Variants in ADAM15 observed in about 807,000 individuals in gnomAD.
ADAM15 encodes ADAM metallopeptidase domain 15.
ADAM15 carries 77 observed loss-of-function variants against 113.8 expected under a neutral mutation model. The observed-to-expected ratio is 0.68, with a 90% CI of 0.56 to 0.82. The LOEUF (loss-of-function observed/expected upper bound fraction) is 0.82, where lower values mean the gene tolerates loss of function less well. Ranked by LOEUF, ADAM15 falls within the 40% of genes least tolerant of loss-of-function variation. ADAM15 has a pLI of 0.00. For synonymous variants in ADAM15, 388 were observed against 454.1 expected, an observed-to-expected ratio of 0.85 and a Z score of 1.85; for missense variants, 963 against 1,120.1, an observed-to-expected ratio of 0.86 and a Z score of 2.00.
chr1:155,061,307 G>A (rs1359585793), intron 19 of ADAM15, 108 bp from the exon 20 acceptor site: 2 of 754,550 alleles, frequency 2.7e-6, no homozygotes, highest in Admixed American at 2.4e-5. Flanking sequence ...AGCACCCACT[G>A]CCCTGGGCCC....
In ADAM15 at chr1:155,058,222, G is replaced by A. The variant is rs201084264; in HGVS notation, c.1722-24G>A. 19 of 1,613,868 alleles carry A rather than the reference G, an allele frequency of 1.2e-5. No homozygotes were observed. The highest frequency in any genetic ancestry group is 1.5e-5 in the Non-Finnish European group (18 of 1,179,946). ...CCTTGGCCCTGCTCCTACTAACTCT[G>A]TGTGCCCTTCCCCCTCCCCACAGAG... On this transcript the variant is annotated intron_variant, in intron 14 of 22. Coordinates refer to ENST00000356955, the MANE Select transcript of ADAM15 (RefSeq NM_207197.3). This position sits in a 1 kb window ranked among gnomAD's most constrained non-coding sequence, Gnocchi z 4.3.
intron 18 of ADAM15, 79 bp from the exon 19 acceptor site, chr1:155,060,684 C>A: frequency 3.4e-6 from 5 of 1,474,812 alleles, no homozygotes; most frequent in African/African-American, 1.4e-5. Context: ...AAAGGGTTAA[C>A]CCCACTCAGG....
chr1:155,056,487 TCTC>T lies in ADAM15; in HGVS notation c.999+24_999+26del, dbSNP rs756949634. ...GTGAACATGGTGAGTTATTTCCAGG[TCTC>T]CTCCTCATTCCCAATTCAGTTCCTC... is the stretch of plus-strand genomic sequence containing the variant. On this transcript the variant is annotated intron_variant, in intron 10 of 22. Coordinates refer to ENST00000356955, the MANE Select transcript of ADAM15 (RefSeq NM_207197.3). The surrounding 1 kb of genome is among the most constrained non-coding windows in gnomAD (Gnocchi z 4.0). The T allele has an allele frequency of 2.4e-5, 38 of 1,609,202 alleles. No individual in the cohort carries two copies. Among genetic ancestry groups the T allele is most frequent in the Non-Finnish European group, 3.1e-5 (37 of 1,175,924 alleles).
Position 155,057,450 on chromosome 1 carries a change from G to A in ADAM15, c.1323+88G>A. On this transcript the variant is annotated intron_variant, in intron 12 of 22. Transcript: ENST00000356955. This position sits in a 1 kb window ranked among gnomAD's most constrained non-coding sequence, Gnocchi z 5.0. ...CCTATCCCAGCCTCCTGAGCTCTTG[G>A]GTTCTGAAGGGACTTTCCACCCCTC... The A allele has an allele frequency of 6.4e-7, 1 of 1,560,222 alleles. No homozygotes were observed. Among genetic ancestry groups the A allele is most frequent in the Non-Finnish European group, 8.7e-7 (1 of 1,143,842 alleles).
chr1:155,061,330 C>G (rs1292452711), intron 19 of ADAM15, 85 bp from the exon 20 acceptor site: 2 of 1,008,734 alleles, frequency 2.0e-6, no homozygotes, highest in Non-Finnish European at 1.5e-6. Context: ...GCTGGCCCCC[C>G]CTGGGCACTG....
At position 155,053,955 on chromosome 1, in the gene ADAM15, T is replaced by C. The variant is rs1275592251; in HGVS notation, c.309T>C (p.Asp103=). The C allele has an allele frequency of 2.5e-6, 4 of 1,614,192 alleles. No individual in the cohort carries two copies. Among genetic ancestry groups the C allele is most frequent in the Non-Finnish European group, 3.4e-6 (4 of 1,180,022 alleles). ...CAACCCTGGTGTGGTACCAGCCCGA[T>C]GGCACTCGGGTGGTCAGTGAGGGAC... is the stretch of plus-strand genomic sequence containing the variant. ...GRPTLVWYQP[D]GTRVVSEGHT... Residue 103 remains aspartate, a synonymous_variant, in exon 4 of 23, where the codon GAT becomes GAC. Coordinates refer to ENST00000356955, the MANE Select transcript of ADAM15 (RefSeq NM_207197.3).
Position 155,062,291 on chromosome 1 carries a change from C to T in ADAM15, c.2471C>T (p.Ala824Val). 1.4e-6 allele frequency: 2 copies of T among 1,474,978 alleles called. No individual in the cohort carries two copies. The highest frequency in any genetic ancestry group is 1.8e-6 in the Non-Finnish European group (2 of 1,109,676). The allele number at this position is 1,474,978 out of a possible 1,614,324, so 91.4% of individuals were successfully genotyped here. Residue 824 changes from alanine to valine, a missense_variant, in exon 22 of 23, where the codon GCC becomes GTC. Physicochemically the swap from Ala to Val is moderately conservative, Grantham distance 64. Coordinates refer to ENST00000356955, the MANE Select transcript of ADAM15 (RefSeq NM_207197.3). The surrounding 1 kb of genome is among the most constrained non-coding windows in gnomAD (Gnocchi z 7.0). ...CCACCCCCAAGGAAGCCACTGCCTG[C>T]CGACCCCCAGGGCCGGTGCCCATCG... is the stretch of plus-strand genomic sequence containing the variant. ...KPPPPRKPLP[A>V]DPQGRCPSGD...
In ADAM15 at chr1:155,055,968, C is replaced by T. The variant is rs755131579; in HGVS notation, c.712C>T (p.Arg238Cys). 19 of 1,614,150 alleles carry T rather than the reference C, an allele frequency of 1.2e-5. No individual in the cohort carries two copies. Among genetic ancestry groups the T allele is most frequent in the East Asian group, 1.1e-4 (5 of 44,890 alleles). The change falls in exon 8 of 23, where the codon CGC (arginine) becomes TGC (cysteine). Residue 238 changes from arginine to cysteine, a missense_variant. Arg to Cys is a radical substitution (Grantham distance 180, BLOSUM62 -3). Coordinates refer to ENST00000356955, the MANE Select transcript of ADAM15 (RefSeq NM_207197.3). Reference protein sequence around the residue: ...KYRDFQHLLNRTLEVALLLDT... With the variant: ...KYRDFQHLLNCTLEVALLLDT... ...CCGGGACTTCCAGCACCTGCTAAAC[C>T]GCACACTGGAAGTGGCCCTCTTGCT... is the stretch of plus-strand genomic sequence containing the variant.
Position 155,060,844 on chromosome 1 carries a change from A to C in ADAM15, c.2277+12A>C. On this transcript the variant is annotated intron_variant, in intron 19 of 22. Coordinates refer to ENST00000356955, the MANE Select transcript of ADAM15 (RefSeq NM_207197.3). ...CACGAGGCACTAAGGTGAGTCCTGG[A>C]TGCCAGAGGAAGGGGACTCCACCTT... is the stretch of plus-strand genomic sequence containing the variant. 6.2e-7 allele frequency: 1 copy of C among 1,606,706 alleles called. No individual in the cohort carries two copies. The highest frequency in any genetic ancestry group is 2.2e-5 in the East Asian group (1 of 44,830).
In ADAM15 at chr1:155,057,033, G is replaced by C; in HGVS notation, c.1080G>C (p.Leu360Phe). Residue 360 changes from leucine to phenylalanine, a missense_variant, in exon 11 of 23, where the codon TTG becomes TTC. Coordinates refer to ENST00000356955, the MANE Select transcript of ADAM15 (RefSeq NM_207197.3). The surrounding 1 kb of genome is among the most constrained non-coding windows in gnomAD (Gnocchi z 5.0). The part of the protein sequence containing the change: ...LGHSLGLDHD[L>F]PGNSCPCPGP... ...ACAGCCTGGGCCTGGACCATGATTT[G>C]CCTGGGAATAGCTGCCCCTGTCCAG... The C allele has an allele frequency of 6.2e-7, 1 of 1,607,602 alleles. No homozygotes were observed.
chr1:155,051,316 C>T lies in ADAM15; in HGVS notation c.-71C>T, dbSNP rs1014059937. 8.1e-7 allele frequency: 1 copy of T among 1,230,360 alleles called. No homozygotes were observed. Among genetic ancestry groups the T allele is most frequent in the Non-Finnish European group, 1.0e-6 (1 of 957,916 alleles). The allele number at this position is 1,230,360 out of a possible 1,614,324, so 76.2% of individuals were successfully genotyped here. ...GCGCTGCTGGGTTCTCCGAGGCGAC[C>T]TGGCCGCCGGCCGCTCCTCCGCGCG... On this transcript the variant is annotated 5_prime_UTR_variant, in exon 1 of 23. Transcript: ENST00000356955.
rs772241715 is a variant in ADAM15 at position 155,060,790 on chromosome 1, G to T, written c.2235G>T (p.Arg745=). ...CAGCCCAATCTGGTCCCTCTGAACG[G>T]CCAGGACCTCCGCAGAGGGCCCTGC... ...YRAAQSGPSE[R]PGPPQRALLA... Residue 745 remains arginine (R), a synonymous_variant, in exon 19 of 23, where the codon CGG becomes CGT. Coordinates refer to ENST00000356955, the MANE Select transcript of ADAM15 (RefSeq NM_207197.3). The T allele has an allele frequency of 1.2e-6, 2 of 1,613,266 alleles. No homozygotes were observed. The highest frequency in any genetic ancestry group is 2.2e-5 in the East Asian group (1 of 44,898).
chr1:155,055,858 C>T lies in ADAM15; in HGVS notation c.675+6C>T, dbSNP rs1395555634. On this transcript the variant is annotated splice_donor_region_variant and intron_variant, in intron 7 of 22. Coordinates refer to ENST00000356955, the MANE Select transcript of ADAM15 (RefSeq NM_207197.3). ...TTGTGGCTGATCACTCGGAGGTGAG[C>T]CTGCTGGCCCCTGCACATCCTCCTC... is the stretch of plus-strand genomic sequence containing the variant. 3.1e-6 allele frequency: 5 copies of T among 1,614,082 alleles called. No homozygotes were observed. The highest frequency in any genetic ancestry group is 1.1e-5 in the South Asian group (1 of 91,090).
In ADAM15 at chr1:155,057,847, A is replaced by G. The variant is rs767543121; in HGVS notation, c.1417-4A>G. 1.4e-5 allele frequency: 23 copies of G among 1,612,978 alleles called. No individual in the cohort carries two copies. In the South Asian group the frequency reaches 2.5e-4, roughly 18 times the overall value. ...CCACACTGATGCTCATCCACCCTCCACAGCTGCGCCCGTCTGGCTGGCAGT... is the reference window on the plus strand; with the variant it reads ...CCACACTGATGCTCATCCACCCTCCGCAGCTGCGCCCGTCTGGCTGGCAGT... On this transcript the variant is annotated splice_region_variant and splice_polypyrimidine_tract_variant and intron_variant, in intron 13 of 22. Transcript: ENST00000356955. The surrounding 1 kb of genome is among the most constrained non-coding windows in gnomAD (Gnocchi z 5.0).
rs1661242347 is a variant in ADAM15 at position 155,052,771 on chromosome 1, G to A, written c.180G>A (p.Val60=). The A allele has an allele frequency of 6.2e-7, 1 of 1,610,214 alleles. No individual in the cohort carries two copies. Among genetic ancestry groups the A allele is most frequent in the Non-Finnish European group, 8.5e-7 (1 of 1,178,502 alleles). Residue 60 remains valine (V), a synonymous_variant, in exon 2 of 23, where the codon GTG becomes GTA. Coordinates refer to ENST00000356955, the MANE Select transcript of ADAM15 (RefSeq NM_207197.3). ...ATCTCCCAATTAGCCTCAAAAAGGT[G>A]CTTCAGGTGAGCTCTCACTCCCCTC... is the stretch of plus-strand genomic sequence containing the variant. ...QDDLPISLKK[V]LQTSLPEPLR...
chr1:155,060,488 C>A, intron 18 of ADAM15, 145 bp downstream of exon 18: 2 of 1,214,430 alleles, frequency 1.6e-6, no homozygotes, highest in Non-Finnish European at 2.3e-6. Flanking sequence ...CCACACCTCC[C>A]TTCCCTATAT....
chr1:155,058,011 C>G lies in ADAM15; in HGVS notation c.1577C>G (p.Ser526Cys). The change falls in exon 14 of 23, where the codon TCC (serine) becomes TGC (cysteine). Residue 526 changes from serine to cysteine, a missense_variant. Ser to Cys is a moderately radical substitution (Grantham distance 112). Transcript: ENST00000356955. The surrounding 1 kb of genome is among the most constrained non-coding windows in gnomAD (Gnocchi z 4.3). ...QAVCMHGRCA[S>C]YAQQCQSLWG... ...GTGTGCATGCACGGGCGTTGTGCCT[C>G]CTATGCCCAGCAGTGCCAGTCACTT... The G allele has an allele frequency of 6.2e-7, 1 of 1,613,900 alleles. No homozygotes were observed. Among genetic ancestry groups the G allele is most frequent in the Non-Finnish European group, 8.5e-7 (1 of 1,180,050 alleles).
chr1:155,055,855 G>A lies in ADAM15; in HGVS notation c.675+3G>A, dbSNP rs777564941. ...TGATTGTGGCTGATCACTCGGAGGTGAGCCTGCTGGCCCCTGCACATCCTC... is the reference window on the plus strand; with the variant it reads ...TGATTGTGGCTGATCACTCGGAGGTAAGCCTGCTGGCCCCTGCACATCCTC... On this transcript the variant is annotated splice_donor_region_variant and intron_variant, in intron 7 of 22. Coordinates refer to ENST00000356955, the MANE Select transcript of ADAM15 (RefSeq NM_207197.3). 3 of 1,614,236 alleles carry A rather than the reference G, an allele frequency of 1.9e-6. No homozygotes were observed. Among genetic ancestry groups the A allele is most frequent in the South Asian group, 2.2e-5 (2 of 91,088 alleles).
In ADAM15 at chr1:155,061,973, A is replaced by C; in HGVS notation, c.2422A>C (p.Lys808Gln). The C allele has an allele frequency of 6.3e-7, 1 of 1,582,442 alleles. No homozygotes were observed. The highest frequency in any genetic ancestry group is 1.1e-5 in the South Asian group (1 of 87,522). Residue 808 changes from lysine (K) to glutamine (Q), a missense_variant and splice_region_variant, in exon 21 of 23, where the codon AAG becomes CAG. Coordinates refer to ENST00000356955, the MANE Select transcript of ADAM15 (RefSeq NM_207197.3). Reference protein sequence around the residue: ...LPADPVVRSPKSQGPAKPPPP... With the variant: ...LPADPVVRSPQSQGPAKPPPP... Reference sequence around the variant, plus strand: ...CGCTGACCCGGTGGTGAGAAGCCCGAAGGTAACGGTGGGGGGAGAGAAGGG... The same window carrying C: ...CGCTGACCCGGTGGTGAGAAGCCCGCAGGTAACGGTGGGGGGAGAGAAGGG...
Sources: gnomAD v4.1 joint callset for allele counts on GRCh38, gnomAD v4.1.1 for gene constraint, Gnocchi (gnomAD v3.1) non-coding constraint, MANE v1.5 for transcripts, NCBI Gene and HGNC (gene_info 2026-07-23, HGNC 2026-07-21) for gene names.